Variants in CACNA1C observed in about 807,000 individuals in gnomAD.
The protein encoded by CACNA1C is voltage-dependent L-type calcium channel subunit alpha-1C.
In CACNA1C, 30 loss-of-function variants were observed where a neutral mutation model predicts 229.0. That is an observed-to-expected ratio of 0.13 (90% CI 0.10 to 0.18). The LOEUF is 0.18. Ranked by LOEUF, CACNA1C falls within the 10% of genes least tolerant of loss-of-function variation. The probability of loss-of-function intolerance (pLI) is 1.00; values close to 1 mark genes in which losing one functional copy is unlikely to be tolerated. For missense variants in CACNA1C, 1,658 were observed against 2,845.0 expected (o/e 0.58, Z 9.49); for synonymous variants, 1,114 against 1,132.5 (o/e 0.98, Z 0.33).
At chr12:2,342,586 C>T (rs16929294) in intron 3 of CACNA1C, among the ~76,000 whole-genome samples, 4,300 of 152,320 alleles carry the variant, frequency 0.028, 135 homozygotes, top group African/African-American at 0.07. Flanking sequence ...GGGTTCTTGA[C>T]GGAGCTGTGT....
At chr12:2,004,007 C>T (rs949833405) in intron 1 of CACNA1C, among the ~76,000 whole-genome samples, 2 of 152,174 alleles carry the variant, frequency 1.3e-5, no homozygotes, top group Non-Finnish European at 2.9e-5. Flanking sequence ...TCCTTCGGCT[C>T]TTATGGTGCC....
chr12:2,307,663 G>T (rs1327352922), intron 3 of CACNA1C, among the ~76,000 whole-genome samples: 1 of 152,024 alleles, frequency 6.6e-6, no homozygotes, highest in Non-Finnish European at 1.5e-5. Flanking sequence ...GCTCTAGATG[G>T]AGTGTTCTTT....
intron 3 of CACNA1C, among the ~76,000 whole-genome samples, chr12:2,122,845 C>T (rs541336945): frequency 7.9e-4 from 121 of 152,332 alleles, no homozygotes; most frequent in African/African-American, 2.7e-3. Context: ...ACCGGTGCAG[C>T]GACCGCTGAG....
intron 3 of CACNA1C, among the ~76,000 whole-genome samples, chr12:2,312,560 G>C (rs1019093665): frequency 6.6e-6 from 1 of 152,106 alleles, no homozygotes; most frequent in African/African-American, 2.4e-5. Context: ...CTTCTCTTCA[G>C]TTTCTTCCTC....
At chr12:2,379,291 T>C (rs1467413825) in intron 3 of CACNA1C, among the ~76,000 whole-genome samples, 1 of 152,230 alleles carries the variant, frequency 6.6e-6, no homozygotes, top group Non-Finnish European at 1.5e-5. Context: ...GTAACGGTGA[T>C]GATAGGCTGT....
intron 3 of CACNA1C, among the ~76,000 whole-genome samples, chr12:2,266,259 G>A (rs902254987): frequency 2.6e-5 from 4 of 152,324 alleles, no homozygotes; most frequent in Admixed American, 2.0e-4. Flanking sequence ...AGAATGGGCC[G>A]GGCGGGCAGT....
chr12:2,606,864 C>T (rs997437354), intron 25 of CACNA1C, 120 bp from the exon 26 acceptor site: 2 of 1,225,484 alleles, frequency 1.6e-6, no homozygotes, highest in Admixed American at 2.0e-5. Flanking sequence ...CCTCCCATGG[C>T]TAGAACGGTG....
Position 2,585,930 on chromosome 12 carries a change from G to A in CACNA1C, c.2530+26G>A, listed in dbSNP as rs370493714. ...GTACCAGTCCCACTGCCTAACCTGGGATTGGGAGATTGGGGGCAGAGATCT... is the reference window on the plus strand; with the variant it reads ...GTACCAGTCCCACTGCCTAACCTGGAATTGGGAGATTGGGGGCAGAGATCT... On this transcript the variant is annotated intron_variant, in intron 18 of 46. Coordinates refer to ENST00000399655, the MANE Select transcript of CACNA1C (RefSeq NM_000719.7). This position sits in a 1 kb window ranked among gnomAD's most constrained non-coding sequence, Gnocchi z 4.1. The A allele has an allele frequency of 7.1e-7, 1 of 1,402,400 alleles. No individual in the cohort carries two copies. The highest frequency in any genetic ancestry group is 9.8e-7 in the Non-Finnish European group (1 of 1,016,426). The allele number at this position is 1,402,400 out of a possible 1,614,324, so 86.9% of individuals were successfully genotyped here.
intron 3 of CACNA1C, among the ~76,000 whole-genome samples, chr12:2,235,725 A>G (rs1296670135): frequency 1.3e-5 from 2 of 152,196 alleles, no homozygotes; most frequent in African/African-American, 4.8e-5. Context: ...TGTGATGGCC[A>G]GGACAAAGGT....
At chr12:2,667,934 T>C (rs1435696661) in intron 37 of CACNA1C, among the ~76,000 whole-genome samples, 1 of 152,226 alleles carries the variant, frequency 6.6e-6, no homozygotes, top group Non-Finnish European at 1.5e-5. Flanking sequence ...ACCCATTGCA[T>C]GCTGAAGGCC....
rs2099588485 is a variant in CACNA1C at position 2,470,926 on chromosome 12, G to A, written c.757+13220G>A. Among the ~76,000 whole-genome samples, 6 of 151,722 alleles carry A rather than the reference G, an allele frequency of 4.0e-5. No individual in the cohort carries two copies. The South Asian group carries it at 1.2e-3, about 31-fold the overall frequency. ...CGGCTCACTGCAACCACCCCCTCCC[G>A]GGTTCAAATGATTCTCGTGCCTCAT... On this transcript the variant is annotated intron_variant, in intron 5 of 46. Transcript: ENST00000399655.
Position 2,285,467 on chromosome 12 carries a change from G to GCCTT in CACNA1C, c.478-163500_478-163497dup, listed in dbSNP as rs1566879119. ...AGCCCAGGTAGTGGAGGAAATGGCA[G>GCCTT]CCTTCCTTCCTTGCCCATAGCCTGT... On this transcript the variant is annotated intron_variant, in intron 3 of 46. Coordinates refer to ENST00000399655, the MANE Select transcript of CACNA1C (RefSeq NM_000719.7). This position sits in a 1 kb window ranked among gnomAD's most constrained non-coding sequence, Gnocchi z 4.2. 6.6e-6 allele frequency among the ~76,000 whole-genome samples: 1 copy of GCCTT among 152,198 alleles called. No individual in the cohort carries two copies. The highest frequency in any genetic ancestry group is 1.5e-5 in the Non-Finnish European group (1 of 68,036).
intron 5 of CACNA1C, among the ~76,000 whole-genome samples, chr12:2,471,843 G>C (rs1022149273): frequency 6.6e-6 from 1 of 152,156 alleles, no homozygotes; most frequent in African/African-American, 2.4e-5. Flanking sequence ...ACCACACCTG[G>C]CTAATTTTTG....
chr12:2,499,058 C>T (rs907505249), intron 7 of CACNA1C, among the ~76,000 whole-genome samples: 10 of 152,262 alleles, frequency 6.6e-5, no homozygotes, highest in South Asian at 2.1e-4. Flanking sequence ...GAGGCACTCC[C>T]GGGTTTTCAG....
chr12:2,395,914 T>C (rs891102756), intron 3 of CACNA1C, among the ~76,000 whole-genome samples: 1 of 152,162 alleles, frequency 6.6e-6, no homozygotes, highest in Non-Finnish European at 1.5e-5. Flanking sequence ...TATTTAATCT[T>C]TACAAGCCAG....
chr12:2,640,967 G>A (rs893022538), intron 30 of CACNA1C, among the ~76,000 whole-genome samples: 43 of 152,182 alleles, frequency 2.8e-4, no homozygotes, highest in African/African-American at 8.2e-4. Flanking sequence ...CAGTGCTTGC[G>A]TTGGACAGTG....
rs2099739653 is a variant in CACNA1C at position 2,493,108 on chromosome 12, A to C, written c.917-82A>C. On this transcript the variant is annotated intron_variant, in intron 6 of 46. Transcript: ENST00000399655. This position sits in a 1 kb window ranked among gnomAD's most constrained non-coding sequence, Gnocchi z 4.6. ...CCCATCCCATCAACCTCATCCTGTC[A>C]CTTTTCTCTCTGACTTCTTTCTCTG... 1 of 1,224,118 alleles carries C rather than the reference A, an allele frequency of 8.2e-7. No individual in the cohort carries two copies. The highest frequency in any genetic ancestry group is 1.2e-6 in the Non-Finnish European group (1 of 840,240). 75.8% of individuals were successfully genotyped at this position (1,224,118 alleles called of 1,614,324 possible).
chr12:1,993,159 TAGCCACTGATACCAAATGCAAAC>T, intron 1 of CACNA1C: 1 of 1,467,110 alleles, frequency 6.8e-7, no homozygotes, highest in Non-Finnish European at 9.6e-7. Flanking sequence ...ACACCCCCCA[TAGCCACTGATACCAAATGCAAAC>T]ACAATGGCAA....
At chr12:2,375,519 C>G (rs182522981) in intron 3 of CACNA1C, among the ~76,000 whole-genome samples, 4 of 152,212 alleles carry the variant, frequency 2.6e-5, no homozygotes, top group African/African-American at 9.6e-5. Context: ...GTTACACTCA[C>G]TGATACCATT....
Sources: allele counts gnomAD v4.1 joint callset (sites outside exome capture counted in the v4.1 genomes callset), GRCh38; gene constraint gnomAD v4.1.1; non-coding constraint Gnocchi (gnomAD v3.1); transcripts MANE v1.5; gene names NCBI Gene and HGNC (gene_info 2026-07-23, HGNC 2026-07-21).